Variants in OLA1 observed in about 807,000 individuals in gnomAD.
OLA1 encodes obg-like ATPase 1.
A neutral mutation model predicts 48.4 loss-of-function variants in OLA1; 14 were observed. The ratio of observed to expected loss-of-function variants is 0.29; its 90% CI spans 0.19 to 0.45. The LOEUF (loss-of-function observed/expected upper bound fraction) is 0.45, where lower values mean the gene tolerates loss of function less well. OLA1 is among the 20% of genes least tolerant of loss of function. The pLI is 1.00. For missense variants in OLA1, 325 were observed against 467.1 expected (o/e 0.70, Z 2.80); for synonymous variants, 127 against 150.4 (o/e 0.84, Z 1.14).
intron 4 of OLA1, among the ~76,000 whole-genome samples, chr2:174,193,740 T>A (rs1335329023): frequency 7.2e-5 from 11 of 152,200 alleles, no homozygotes; most frequent in Admixed American, 7.2e-4. Flanking sequence ...CAGCTCTTTC[T>A]TTTACACCAG....
intron 5 of OLA1, among the ~76,000 whole-genome samples, chr2:174,137,233 G>A (rs1433139318): frequency 6.6e-6 from 1 of 152,182 alleles, no homozygotes; most frequent in Non-Finnish European, 1.5e-5. Context: ...TTGTCAATGA[G>A]CAGTAGGTCT....
At chr2:174,149,251 T>C (rs1686688406) in intron 4 of OLA1, among the ~76,000 whole-genome samples, 1 of 152,248 alleles carries the variant, frequency 6.6e-6, no homozygotes. Context: ...CAGTAGCACC[T>C]AACTTCAGAG....
At chr2:174,129,453 G>C (rs191487004) in intron 5 of OLA1, among the ~76,000 whole-genome samples, 1 of 128,362 alleles carries the variant, frequency 7.8e-6, no homozygotes, top group African/African-American at 2.8e-5. Context: ...GCGAGACTCC[G>C]TCTCAATAAA....
chr2:174,238,073 AAAGTAG>A (rs1251458188), intron 2 of OLA1, among the ~76,000 whole-genome samples: 1 of 152,252 alleles, frequency 6.6e-6, no homozygotes, highest in East Asian at 1.9e-4. Flanking sequence ...GAAAGGGAAT[AAAGTAG>A]AAGATTATCT....
At chr2:174,132,992 C>T (rs1472836760) in intron 5 of OLA1, among the ~76,000 whole-genome samples, 6 of 152,068 alleles carry the variant, frequency 3.9e-5, no homozygotes, top group African/African-American at 1.4e-4. Flanking sequence ...CCACTTTTTG[C>T]ACTATGTGTT....
chr2:174,241,476 C>A (rs141682346), intron 2 of OLA1, among the ~76,000 whole-genome samples: 2 of 152,204 alleles, frequency 1.3e-5, no homozygotes, highest in Admixed American at 1.3e-4. Flanking sequence ...GATTGGTCTG[C>A]AGAAATTTGG....
intron 7 of OLA1, among the ~76,000 whole-genome samples, chr2:174,099,911 G>A (rs1685352801): frequency 6.6e-6 from 1 of 152,152 alleles, no homozygotes; most frequent in Non-Finnish European, 1.5e-5. Flanking sequence ...GTTATTAAAT[G>A]CATCTTATCT....
At chr2:174,100,164 C>T (rs1450536439) in intron 7 of OLA1, among the ~76,000 whole-genome samples, 1 of 152,094 alleles carries the variant, frequency 6.6e-6, no homozygotes, top group Non-Finnish European at 1.5e-5. Flanking sequence ...ATATGTCACA[C>T]AGCAATGAAA....
At chr2:174,087,154 G>A (rs2105343240) in intron 7 of OLA1, among the ~76,000 whole-genome samples, 2 of 151,742 alleles carry the variant, frequency 1.3e-5, no homozygotes, top group East Asian at 3.9e-4. Flanking sequence ...AGCCTCCTGA[G>A]TAGCTGGGAT....
At chr2:174,092,763 A>G (rs1172713230) in intron 7 of OLA1, among the ~76,000 whole-genome samples, 1 of 152,212 alleles carries the variant, frequency 6.6e-6, no homozygotes, top group Non-Finnish European at 1.5e-5. Context: ...TTTAGTTTAG[A>G]AATTAGTATG....
At chr2:174,117,888 A>G (rs763462333) in intron 7 of OLA1, among the ~76,000 whole-genome samples, 1 of 152,104 alleles carries the variant, frequency 6.6e-6, no homozygotes, top group East Asian at 1.9e-4. Context: ...CTCTTCACCA[A>G]CTACTAAACT....
At chr2:174,232,346 G>A (rs1311410398) in intron 2 of OLA1, among the ~76,000 whole-genome samples, 1 of 151,006 alleles carries the variant, frequency 6.6e-6, no homozygotes, top group Non-Finnish European at 1.5e-5. Flanking sequence ...AAAAGAAGTA[G>A]AAAGTTCTTT....
intron 2 of OLA1, among the ~76,000 whole-genome samples, chr2:174,238,417 C>A (rs1416882684): frequency 6.6e-6 from 1 of 151,148 alleles, no homozygotes; most frequent in Non-Finnish European, 1.5e-5. Flanking sequence ...TCACTTGAAC[C>A]CAGGAGGTGG....
intron 9 of OLA1, chr2:174,080,782 C>T (rs192314870): frequency 2.8e-5 from 5 of 179,102 alleles, no homozygotes; most frequent in African/African-American, 9.6e-5. Context: ...CCACCCGCAA[C>T]CCAAACAAAC....
intron 4 of OLA1, among the ~76,000 whole-genome samples, chr2:174,159,713 G>A (rs1351515620): frequency 1.3e-5 from 2 of 151,904 alleles, no homozygotes; most frequent in African/African-American, 2.4e-5. Context: ...ATAATTCTGG[G>A]TGCCATAAAC....
chr2:174,076,333 A>AC (rs1481130836), intron 10 of OLA1, among the ~76,000 whole-genome samples: 2 of 152,136 alleles, frequency 1.3e-5, no homozygotes, highest in African/African-American at 4.8e-5. Flanking sequence ...GCTCTGCAGC[A>AC]CCCACACTTA....
In OLA1 at chr2:174,190,944, CAAAAAAAAAAAAA is replaced by C. The variant is rs774971306; in HGVS notation, c.373+32076_373+32088del. Among the ~76,000 whole-genome samples, 14 of 32,890 alleles carry C rather than the reference CAAAAAAAAAAAAA, an allele frequency of 4.3e-4. No individual in the cohort carries two copies. The East Asian group carries it at 8.2e-3, about 19-fold the overall frequency. The allele number at this position is 32,890 out of a possible 152,430, so 21.6% of individuals were successfully genotyped here. On this transcript the variant is annotated intron_variant, in intron 4 of 10. Transcript: ENST00000284719. ...TGGGCAACAGAGCAAGACTTCGTCT[CAAAAAAAAAAAAA>C]AAAAAAAAAAAAGGAAAGTAACTCT...
chr2:174,238,387 A>T (rs1378130329), intron 2 of OLA1, among the ~76,000 whole-genome samples: 1 of 150,972 alleles, frequency 6.6e-6, no homozygotes, highest in African/African-American at 2.4e-5. Flanking sequence ...CCTGTTACTT[A>T]GGAGGCTGAG....
chr2:174,154,440 C>T (rs1040850947), intron 4 of OLA1, among the ~76,000 whole-genome samples: 2 of 152,182 alleles, frequency 1.3e-5, no homozygotes, highest in African/African-American at 4.8e-5. Context: ...TCATGTTCAA[C>T]TGTCACTGTA....
Sources: gnomAD v4.1 joint callset for allele counts (sites outside exome capture counted in the v4.1 genomes callset) on GRCh38, gnomAD v4.1.1 for gene constraint, MANE v1.5 for transcripts, NCBI Gene and HGNC (gene_info 2026-07-23, HGNC 2026-07-21) for gene names.